Variants in ENOX1 observed in about 807,000 individuals in gnomAD.
ENOX1 encodes candidate growth-related and time keeping constitutive hydroquinone (NADH) oxidase.
In ENOX1, 42 loss-of-function variants were observed where a neutral mutation model predicts 82.5. That is an observed-to-expected ratio of 0.51 (90% CI 0.40 to 0.66). The LOEUF (loss-of-function observed/expected upper bound fraction) is 0.66. Ranked by LOEUF, ENOX1 falls within the 30% of genes least tolerant of loss-of-function variation. The probability of loss-of-function intolerance (pLI) is 0.00; values close to 1 mark genes in which losing one functional copy is unlikely to be tolerated. For synonymous variants in ENOX1, 271 were observed against 282.2 expected, an observed-to-expected ratio of 0.96 and a Z score of 0.40; for missense variants, 608 against 811.6, an observed-to-expected ratio of 0.75 and a Z score of 3.05.
intron 9 of ENOX1, among the ~76,000 whole-genome samples, chr13:43,334,153 C>T (rs1200978856): frequency 2.0e-5 from 3 of 152,186 alleles, no homozygotes; most frequent in Non-Finnish European, 4.4e-5. Flanking sequence ...CCAAGGCATG[C>T]TAAAGTTTGA....
chr13:43,247,203 C>T lies in ENOX1; in HGVS notation c.1612-10465G>A, dbSNP rs149531888. Among the ~76,000 whole-genome samples, 188 of 152,252 alleles carry T rather than the reference C, an allele frequency of 1.2e-3. 1 individual carries two copies. Among genetic ancestry groups the T allele is most frequent in the African/African-American group, 4.3e-3 (177 of 41,556 alleles). On this transcript the variant is annotated intron_variant, in intron 14 of 16. Transcript: ENST00000690772. ...TGGCAGCATGCGCCTGTAATCCCAG[C>T]TACTTGGGAAGCTGAGGCAGAACTG...
At chr13:43,667,572 A>T in intron 1 of ENOX1, 28 bp from the exon 2 acceptor site, 2 of 860,040 alleles carry the variant, frequency 2.3e-6, no homozygotes, top group Non-Finnish European at 2.8e-6. Context: ...TCTTGTTAGA[A>T]AAAACTTCAA....
At chr13:43,628,713 T>C (rs1022123149) in intron 2 of ENOX1, among the ~76,000 whole-genome samples, 10 of 152,242 alleles carry the variant, frequency 6.6e-5, no homozygotes, top group Non-Finnish European at 1.3e-4. Context: ...TCTGAGACCT[T>C]GAACCTTATT....
At chr13:43,754,109 T>TAC (rs1491336378) in intron 1 of ENOX1, among the ~76,000 whole-genome samples, 8 of 27,318 alleles carry the variant, frequency 2.9e-4, no homozygotes, top group South Asian at 4.4e-3. Context: ...TATACGTATA[T>TAC]GTATACATAA....
At chr13:43,342,439 C>T (rs2049121242) in intron 9 of ENOX1, among the ~76,000 whole-genome samples, 1 of 152,110 alleles carries the variant, frequency 6.6e-6, no homozygotes, top group East Asian at 1.9e-4. Flanking sequence ...AGAAGAGGAG[C>T]AGGTTTGAAG....
chr13:43,725,863 A>G (rs536173477), intron 1 of ENOX1, among the ~76,000 whole-genome samples: 1 of 151,114 alleles, frequency 6.6e-6, no homozygotes, highest in Non-Finnish European at 1.5e-5. Context: ...GCTACTCAGG[A>G]GGCTGAGACA....
intron 11 of ENOX1, among the ~76,000 whole-genome samples, chr13:43,320,724 C>T (rs1271678361): frequency 6.6e-6 from 1 of 152,190 alleles, no homozygotes; most frequent in Non-Finnish European, 1.5e-5. Flanking sequence ...TTTTCTCCTA[C>T]ACCTACCTTG....
chr13:43,766,586 T>G (rs1031331096), intron 1 of ENOX1, among the ~76,000 whole-genome samples: 1 of 152,098 alleles, frequency 6.6e-6, no homozygotes, highest in African/African-American at 2.4e-5. Flanking sequence ...AGCACTGAAG[T>G]CTAAAAATGT....
intron 2 of ENOX1, among the ~76,000 whole-genome samples, chr13:43,530,990 A>G (rs969976064): frequency 3.3e-5 from 5 of 152,030 alleles, no homozygotes; most frequent in African/African-American, 1.2e-4. Context: ...GGAAGTCCTT[A>G]TAAAATAATA....
At chr13:43,431,810 C>T (rs531438563) in intron 3 of ENOX1, among the ~76,000 whole-genome samples, 1 of 152,232 alleles carries the variant, frequency 6.6e-6, no homozygotes, top group African/African-American at 2.4e-5. Flanking sequence ...TCTCCCCTCC[C>T]AGGGCTAGCC....
chr13:43,605,989 G>A (rs1270628959), intron 2 of ENOX1, among the ~76,000 whole-genome samples: 1 of 152,090 alleles, frequency 6.6e-6, no homozygotes, highest in East Asian at 1.9e-4. Context: ...ATTAAAAAAT[G>A]GGCAAAAGAT....
intron 3 of ENOX1, among the ~76,000 whole-genome samples, chr13:43,435,074 G>A (rs1416676675): frequency 6.6e-6 from 1 of 151,222 alleles, no homozygotes; most frequent in Admixed American, 6.6e-5. Context: ...GCAGAAGACG[G>A]ACTTGACATA....
chr13:43,218,047 A>C (rs2041582683), intron 16 of ENOX1, among the ~76,000 whole-genome samples: 1 of 152,226 alleles, frequency 6.6e-6, no homozygotes, highest in South Asian at 2.1e-4. Flanking sequence ...AGATGGTGGA[A>C]CTTAGGCACA....
At chr13:43,712,362 TCCAG>T (rs1269340858) in intron 1 of ENOX1, among the ~76,000 whole-genome samples, 1 of 151,956 alleles carries the variant, frequency 6.6e-6, no homozygotes, top group East Asian at 1.9e-4. Context: ...GCATGATGCC[TCCAG>T]CTTTGTTCTT....
chr13:43,241,871 A>G (rs976362791), intron 14 of ENOX1, among the ~76,000 whole-genome samples: 2 of 152,176 alleles, frequency 1.3e-5, no homozygotes, highest in Non-Finnish European at 2.9e-5. Flanking sequence ...CTTTTTCAAT[A>G]GCTTATTGAG....
intron 5 of ENOX1, among the ~76,000 whole-genome samples, chr13:43,385,352 A>G (rs1397971152): frequency 6.6e-6 from 1 of 152,132 alleles, no homozygotes; most frequent in African/African-American, 2.4e-5. Context: ...TGTTTGCAAC[A>G]TATATGACCT....
chr13:43,276,122 A>G (rs2045013879), intron 12 of ENOX1, among the ~76,000 whole-genome samples: 1 of 152,192 alleles, frequency 6.6e-6, no homozygotes, highest in African/African-American at 2.4e-5. Context: ...TATAAATCAG[A>G]TGTCCTACTC....
At chr13:43,356,212 A>T in intron 7 of ENOX1, 60 bp from the exon 8 acceptor site, 1 of 1,495,378 alleles carries the variant, frequency 6.7e-7, no homozygotes, top group Admixed American at 1.9e-5. Context: ...GTTTTGGTCC[A>T]GACCTTCAAG....
chr13:43,366,484 G>GC (rs1357833670), intron 5 of ENOX1, among the ~76,000 whole-genome samples: 1 of 152,144 alleles, frequency 6.6e-6, no homozygotes, highest in Admixed American at 6.5e-5. Flanking sequence ...CACCGTGTTA[G>GC]CCAGGATGGT....
Sources: gnomAD v4.1 joint callset for allele counts (sites outside exome capture counted in the v4.1 genomes callset) on GRCh38, gnomAD v4.1.1 for gene constraint, MANE v1.5 for transcripts, NCBI Gene and HGNC (gene_info 2026-07-23, HGNC 2026-07-21) for gene names.